Variants in TANC2 observed in about 807,000 individuals in gnomAD.
TANC2 encodes protein TANC2.
In TANC2, 26 loss-of-function variants were observed where a neutral mutation model predicts 210.5. The ratio of observed to expected loss-of-function variants is 0.12; its 90% CI spans 0.09 to 0.17. The LOEUF is 0.17. Ranked by LOEUF, TANC2 falls within the 10% of genes least tolerant of loss-of-function variation. TANC2 has a pLI of 1.00. For synonymous variants in TANC2, 931 were observed against 967.1 expected, an observed-to-expected ratio of 0.96 and a Z score of 0.69; for missense variants, 2,129 against 2,608.9, an observed-to-expected ratio of 0.82 and a Z score of 4.01.
chr17:63,177,030 G>C (rs946540264), intron 5 of TANC2, among the ~76,000 whole-genome samples: 1 of 151,796 alleles, frequency 6.6e-6, no homozygotes, highest in Non-Finnish European at 1.5e-5. Flanking sequence ...TTAGGAGGCC[G>C]AGGTGGGCGG....
intron 1 of TANC2, among the ~76,000 whole-genome samples, chr17:62,989,979 G>C (rs2032776699): frequency 6.6e-6 from 1 of 151,762 alleles, no homozygotes; most frequent in African/African-American, 2.4e-5. Flanking sequence ...TCACCGTCTT[G>C]GTCAGTCTGG....
chr17:63,067,831 G>C (rs368300597), intron 2 of TANC2, among the ~76,000 whole-genome samples: 11 of 152,092 alleles, frequency 7.2e-5, no homozygotes, highest in African/African-American at 2.4e-4. Flanking sequence ...AATAACAGAA[G>C]ATCTAGATTC....
exon 11 of TANC2, chr17:63,319,033 A>G: frequency 6.2e-7 from 1 of 1,613,754 alleles, no homozygotes; most frequent in Non-Finnish European, 8.5e-7. Context: ...GAAGCTGCCC[A>G]GGAACTCCGG....
intron 8 of TANC2, among the ~76,000 whole-genome samples, chr17:63,255,283 G>A (rs1226432635): frequency 3.3e-5 from 5 of 151,774 alleles, no homozygotes; most frequent in East Asian, 1.9e-4. Context: ...TAGTAGAGAC[G>A]AGGTTTCACC....
At chr17:63,415,175 A>T (rs1245477267) in intron 25 of TANC2, among the ~76,000 whole-genome samples, 1 of 152,254 alleles carries the variant, frequency 6.6e-6, no homozygotes, top group East Asian at 1.9e-4. Flanking sequence ...GCTTGGGGTT[A>T]GGAAGTCATA....
At chr17:63,161,429 A>G (rs560198661) in intron 5 of TANC2, among the ~76,000 whole-genome samples, 66 of 152,254 alleles carry the variant, frequency 4.3e-4, no homozygotes, top group African/African-American at 1.5e-3. Context: ...TGTTGCAGTC[A>G]CTTTCTTCCC....
At chr17:63,263,280 CTTAT>C (rs1479154219) in intron 8 of TANC2, among the ~76,000 whole-genome samples, 2 of 151,990 alleles carry the variant, frequency 1.3e-5, no homozygotes, top group African/African-American at 4.8e-5. Context: ...GCAAATCTTG[CTTAT>C]TTAAGATAGA....
chr17:63,098,590 T>C (rs537332722), intron 3 of TANC2, among the ~76,000 whole-genome samples: 8 of 150,148 alleles, frequency 5.3e-5, no homozygotes, highest in African/African-American at 1.9e-4. Context: ...CTAATTTTCC[T>C]TGGGAAAAGT....
rs554371382 is a variant in TANC2 at position 63,340,362 on chromosome 17, A to G, written c.1807+30A>G. 1.4e-5 allele frequency: 22 copies of G among 1,594,540 alleles called. No homozygotes were observed. In the African/African-American group the frequency reaches 2.0e-4, roughly 15 times the overall value. On this transcript the variant is annotated intron_variant, in intron 12 of 27. Coordinates refer to ENST00000689528, the Ensembl canonical transcript of TANC2. ...AGATAAGGCCCAAAGGAGGGGAAAGATGGAGGTTTAGAGCCCAAGTTCACC... is the reference window on the plus strand; with the variant it reads ...AGATAAGGCCCAAAGGAGGGGAAAGGTGGAGGTTTAGAGCCCAAGTTCACC...
chr17:63,142,059 A>G (rs2039309886), intron 4 of TANC2, among the ~76,000 whole-genome samples: 1 of 152,230 alleles, frequency 6.6e-6, no homozygotes, highest in African/African-American at 2.4e-5. Context: ...CAGATTTCTT[A>G]TACACTGTTG....
intron 7 of TANC2, among the ~76,000 whole-genome samples, chr17:63,226,698 G>A (rs1324703659): frequency 4.6e-5 from 7 of 152,020 alleles, no homozygotes; most frequent in Non-Finnish European, 5.9e-5. Context: ...CTATCAACCC[G>A]TCACCTAGGT....
chr17:63,164,706 C>G (rs2040149338), intron 5 of TANC2, among the ~76,000 whole-genome samples: 1 of 152,072 alleles, frequency 6.6e-6, no homozygotes, highest in South Asian at 2.1e-4. Flanking sequence ...CAGTCTGAAT[C>G]CAGAGGGCTG....
intron 2 of TANC2, among the ~76,000 whole-genome samples, chr17:63,028,641 C>G (rs1598281009): frequency 1.3e-5 from 2 of 152,222 alleles, no homozygotes; most frequent in Admixed American, 1.3e-4. Context: ...ATTGGAGTTT[C>G]ATCTCCACTT....
intron 10 of TANC2, 38 bp from the exon 11 acceptor site, chr17:63,318,919 G>T: frequency 6.2e-7 from 1 of 1,610,102 alleles, no homozygotes; most frequent in Non-Finnish European, 8.5e-7. Context: ...AAGTTTTTAT[G>T]ATTATCTGAT....
chr17:63,068,066 C>T (rs546292204), intron 2 of TANC2, among the ~76,000 whole-genome samples: 4 of 151,960 alleles, frequency 2.6e-5, no homozygotes, highest in South Asian at 2.1e-4. Context: ...GAAAGCAGCC[C>T]GAGAGAAATA....
intron 5 of TANC2, among the ~76,000 whole-genome samples, chr17:63,179,137 C>CT (rs1409554921): frequency 6.6e-6 from 1 of 152,088 alleles, no homozygotes; most frequent in African/African-American, 2.4e-5. Context: ...TTTAATTAAA[C>CT]TTTATTTTTT....
chr17:63,056,428 A>G (rs2035809873), intron 2 of TANC2, among the ~76,000 whole-genome samples: 1 of 152,112 alleles, frequency 6.6e-6, no homozygotes, highest in African/African-American at 2.4e-5. Flanking sequence ...CTGTAATCCC[A>G]GCACTTTGGG....
chr17:63,304,922 C>A (rs1302928211), intron 9 of TANC2, among the ~76,000 whole-genome samples: 1 of 152,206 alleles, frequency 6.6e-6, no homozygotes, highest in Non-Finnish European at 1.5e-5. Flanking sequence ...GCCATCCATC[C>A]TCCCTTGCTC....
At position 63,340,130 on chromosome 17, in the gene TANC2, T is replaced by A. The variant is rs1475194628; in HGVS notation, c.1605T>A (p.Asp535Glu). 1 of 1,613,908 alleles carries A rather than the reference T, an allele frequency of 6.2e-7. No homozygotes were observed. Among genetic ancestry groups the A allele is most frequent in the South Asian group, 1.1e-5 (1 of 91,080 alleles). Residue 535 changes from aspartate to glutamate, a missense_variant, in exon 12 of 28, where the codon GAT becomes GAA. Physicochemically the swap from Asp to Glu is conservative, Grantham distance 45. Transcript: ENST00000689528. ...TTGCCTATCACTATTGTCAAGCAGA[T>A]AATGCCTACACTTGCTTGGTGCCAG...
Sources: gnomAD v4.1 joint callset for allele counts (sites outside exome capture counted in the v4.1 genomes callset) on GRCh38, gnomAD v4.1.1 for gene constraint, MANE v1.5 for transcripts, NCBI Gene and HGNC (gene_info 2026-07-23, HGNC 2026-07-21) for gene names.